Variants in NKD1 observed in about 807,000 individuals in gnomAD.
NKD1 encodes protein naked cuticle homolog 1.
A neutral mutation model predicts 56.0 loss-of-function variants in NKD1; 21 were observed. That is an observed-to-expected ratio of 0.38 (90% CI 0.27 to 0.54). The LOEUF is 0.54. NKD1 is among the 20% of genes least tolerant of loss of function. The pLI is 0.82. For synonymous variants in NKD1, 263 were observed against 265.7 expected (o/e 0.99, Z 0.10); for missense variants, 578 against 642.7 (o/e 0.90, Z 1.09).
intron 3 of NKD1, chr16:50,607,977 C>G: frequency 3.1e-6 from 1 of 319,096 alleles, no homozygotes; most frequent in Non-Finnish European, 6.0e-6. Context: ...TGGTGGGGAA[C>G]AGGCAGGGTG....
At chr16:50,570,941 A>C in intron 3 of NKD1, 1 of 985,460 alleles carries the variant, frequency 1.0e-6, no homozygotes, top group East Asian at 1.1e-4. Context: ...TGCCAGGCAC[A>C]GGGAGGCTTC....
At chr16:50,608,061 G>T (rs1341002223) in intron 3 of NKD1, 3 of 535,710 alleles carry the variant, frequency 5.6e-6, no homozygotes, top group Non-Finnish European at 1.0e-5. Flanking sequence ...GGAAGACCCA[G>T]TGGAGCCATA....
chr16:50,603,270 C>G (rs772508195), intron 3 of NKD1, among the ~76,000 whole-genome samples: 65 of 152,216 alleles, frequency 4.3e-4, no homozygotes, highest in Non-Finnish European at 6.8e-4. Flanking sequence ...CCAGGTCGAT[C>G]TGGACGCTGA....
chr16:50,618,642 T>C lies in NKD1; in HGVS notation c.260-2960T>C, dbSNP rs534420890. 9.2e-5 allele frequency among the ~76,000 whole-genome samples: 14 copies of C among 152,262 alleles called. No homozygotes were observed. The South Asian group carries it at 1.0e-3, about 11-fold the overall frequency. ...ACAATAAGAGGGTGAACGACCTTCT[T>C]TGGTGGGGATAGAGAGTGCTGACTG... On this transcript the variant is annotated intron_variant, in intron 4 of 9. Coordinates refer to ENST00000268459, the MANE Select transcript of NKD1 (RefSeq NM_033119.5).
intron 4 of NKD1, among the ~76,000 whole-genome samples, chr16:50,619,579 T>G (rs1962040887): frequency 6.6e-6 from 1 of 152,212 alleles, no homozygotes. Flanking sequence ...TTGAGAAAAC[T>G]TAGCTGCTAA....
chr16:50,591,838 G>A (rs567068334), intron 3 of NKD1, among the ~76,000 whole-genome samples: 14 of 152,356 alleles, frequency 9.2e-5, no homozygotes, highest in South Asian at 2.1e-4. Flanking sequence ...GTGGCAATGC[G>A]TTCTCCAGGT....
chr16:50,627,448 A>G (rs930972432), intron 6 of NKD1, among the ~76,000 whole-genome samples: 2 of 152,190 alleles, frequency 1.3e-5, no homozygotes, highest in African/African-American at 4.8e-5. Flanking sequence ...CCCTGGAGAA[A>G]GTGTTCACTG....
intron 3 of NKD1, chr16:50,570,950 T>A (rs1449685369): frequency 2.0e-6 from 2 of 985,304 alleles, no homozygotes; most frequent in African/African-American, 3.5e-5. Context: ...CAGGGAGGCT[T>A]CTGCACTGAG....
chr16:50,630,072 C>A, intron 6 of NKD1, 114 bp from the exon 7 acceptor site: 1 of 944,662 alleles, frequency 1.1e-6, no homozygotes, highest in Non-Finnish European at 1.6e-6. Context: ...CTTAGATCTG[C>A]TTTGGGGCAG....
intron 3 of NKD1, among the ~76,000 whole-genome samples, chr16:50,600,044 C>A (rs1003654405): frequency 1.3e-5 from 2 of 152,040 alleles, no homozygotes; most frequent in Non-Finnish European, 2.9e-5. Context: ...TCTCCCCCAC[C>A]CACCGTCTTC....
Position 50,643,886 on chromosome 16 carries a change from C to T in NKD1, c.*10105C>T, listed in dbSNP as rs1962627564. Reference sequence around the variant, plus strand: ...TTTTCTCTGCAAGGCATATCAGAGCCTTCTGTGCTTAAGAGCACAAGATGG... The same window carrying T: ...TTTTCTCTGCAAGGCATATCAGAGCTTTCTGTGCTTAAGAGCACAAGATGG... On this transcript the variant is annotated 3_prime_UTR_variant, in exon 10 of 10. Transcript: ENST00000268459. 6.6e-6 allele frequency: 1 copy of T among 152,246 alleles called. No homozygotes were observed. Among genetic ancestry groups the T allele is most frequent in the African/African-American group, 2.4e-5 (1 of 41,468 alleles). 9.4% of individuals were successfully genotyped at this position (152,246 alleles called of 1,614,324 possible). A position where few individuals can be genotyped will look rare whatever the true frequency, so the allele number is the denominator to read the frequency against.
At chr16:50,617,059 C>T (rs1474526685) in intron 4 of NKD1, among the ~76,000 whole-genome samples, 1 of 152,208 alleles carries the variant, frequency 6.6e-6, no homozygotes, top group Admixed American at 6.5e-5. Flanking sequence ...TGGGTGGCGC[C>T]AGCTGTCAGC....
chr16:50,574,689 G>A (rs1311131786), intron 3 of NKD1: 29 of 985,316 alleles, frequency 2.9e-5, no homozygotes, highest in Non-Finnish European at 3.1e-5. Flanking sequence ...CCTCGTTGTC[G>A]TCCCAGGCAG....
In NKD1 at chr16:50,627,431, A is replaced by G. The variant is rs55840054; in HGVS notation, c.462+1851A>G. 7.3e-3 allele frequency among the ~76,000 whole-genome samples: 1,116 copies of G among 152,314 alleles called. 11 individuals carry two copies. The highest frequency in any genetic ancestry group is 0.025 in the African/African-American group (1,054 of 41,558). On this transcript the variant is annotated intron_variant, in intron 6 of 9. Transcript: ENST00000268459. ...AGAGGGTTTCCAAGGAAGGTGGCCC[A>G]GCCCGGCCCTGGAGAAAGTGTTCAC...
rs1225141535 is a variant in NKD1, at chr16:50,646,012, C to T, written c.*12231C>T. Reference sequence around the variant, plus strand: ...TAAACGTGGGGGATTTAAAAGGCCCCTATGTTCCCACTTTGTGCTTTGCTT... The same window carrying T: ...TAAACGTGGGGGATTTAAAAGGCCCTTATGTTCCCACTTTGTGCTTTGCTT... On this transcript the variant is annotated 3_prime_UTR_variant, in exon 10 of 10. Coordinates refer to ENST00000268459, the MANE Select transcript of NKD1 (RefSeq NM_033119.5). 1.3e-5 allele frequency: 2 copies of T among 151,038 alleles called. No homozygotes were observed. Among genetic ancestry groups the T allele is most frequent in the African/African-American group, 4.9e-5 (2 of 41,032 alleles). 9.4% of individuals were successfully genotyped at this position (151,038 alleles called of 1,614,324 possible).
Position 50,630,341 on chromosome 16 carries a change from C to T in NKD1, c.610+8C>T. The T allele has an allele frequency of 6.2e-7, 1 of 1,613,748 alleles. No individual in the cohort carries two copies. Among genetic ancestry groups the T allele is most frequent in the Admixed American group, 1.7e-5 (1 of 60,014 alleles). Reference sequence around the variant, plus strand: ...TCCTTGTCAATCAGGCTGGTGAGGGCTGCAGGGCTGAGCCTGGGAAACAAT... The same window carrying T: ...TCCTTGTCAATCAGGCTGGTGAGGGTTGCAGGGCTGAGCCTGGGAAACAAT... On this transcript the variant is annotated splice_region_variant and intron_variant, in intron 7 of 9. Transcript: ENST00000268459.
At chr16:50,556,450 G>T (rs1431535036) in intron 3 of NKD1, 1 of 152,486 alleles carries the variant, frequency 6.6e-6, no homozygotes, top group East Asian at 1.9e-4. Context: ...GTGGCGGCTT[G>T]GCCCGCCGGG....
At chr16:50,600,454 C>T (rs2151273711) in intron 3 of NKD1, among the ~76,000 whole-genome samples, 1 of 151,964 alleles carries the variant, frequency 6.6e-6, no homozygotes, top group African/African-American at 2.4e-5. Context: ...CAGAGTGAGA[C>T]CCCCATCTAA....
chr16:50,566,790 C>T (rs1960767624), intron 3 of NKD1, among the ~76,000 whole-genome samples: 4 of 152,192 alleles, frequency 2.6e-5, no homozygotes, highest in Admixed American at 2.6e-4. Flanking sequence ...TCCATGCAGC[C>T]CACCTGGGTT....
Sources: allele counts gnomAD v4.1 joint callset (sites outside exome capture counted in the v4.1 genomes callset), GRCh38; gene constraint gnomAD v4.1.1; transcripts MANE v1.5; gene names NCBI Gene and HGNC (gene_info 2026-07-23, HGNC 2026-07-21).